The following ARHGEF4 variants were observed in gnomAD, a reference collection of about 807,000 sequenced individuals.
ARHGEF4 encodes Rho guanine nucleotide exchange factor 4, also known as APC-stimulated guanine nucleotide exchange factor 1.
In ARHGEF4, 119 loss-of-function variants were observed where a neutral mutation model predicts 162.0. The observed-to-expected ratio is 0.73, with a 90% CI of 0.63 to 0.86. The LOEUF (loss-of-function observed/expected upper bound fraction) is 0.86. ARHGEF4 is among the 40% of genes least tolerant of loss of function. The pLI, the probability that ARHGEF4 is intolerant of heterozygous loss-of-function variation, is 0.00. For synonymous variants in ARHGEF4, 1,014 were observed against 979.9 expected (o/e 1.03, Z -0.65); for missense variants, 2,488 against 2,456.0 (o/e 1.01, Z -0.28).
chr2:130,871,596 TACAC>T (rs10585458), intron 1 of ARHGEF4, among the ~76,000 whole-genome samples: 3 of 149,430 alleles, frequency 2.0e-5, no homozygotes, highest in Non-Finnish European at 4.4e-5. Flanking sequence ...TATATATGCA[TACAC>T]ACACACACAC....
At position 131,019,925 on chromosome 2, in the gene ARHGEF4, T is replaced by C. The variant is rs527750627; in HGVS notation, c.3986-8020T>C. Among the ~76,000 whole-genome samples the C allele has an allele frequency of 9.5e-4, 144 of 152,276 alleles. 1 individual carries two copies. Among genetic ancestry groups the C allele is most frequent in the Non-Finnish European group, 1.6e-3 (108 of 68,014 alleles). On this transcript the variant is annotated intron_variant, in intron 4 of 13. Transcript: ENST00000409359. ...CTGGGATTACAGGCGTGAGCCACCA[T>C]GCCTGGCCAGTATTTTATTCTTTTT...
Position 131,028,037 on chromosome 2 carries a change from C to A in ARHGEF4, c.4078C>A (p.His1360Asn). 6.2e-7 allele frequency: 1 copy of A among 1,614,114 alleles called. No homozygotes were observed. The highest frequency in any genetic ancestry group is 8.5e-7 in the Non-Finnish European group (1 of 1,180,028). The change falls in exon 5 of 14, where the codon CAC (histidine) becomes AAC (asparagine). Residue 1360 changes from histidine to asparagine, a missense_variant. This residue lies in a region of ARHGEF4 where 1,642 missense variants were observed against 1,481.5 expected (regional missense o/e 1.11). Coordinates refer to ENST00000409359, the MANE Select transcript of ARHGEF4 (RefSeq NM_001367493.1). Reference protein sequence around the residue: ...LYDDLHSSSHHYSHPGGGGEQ... With the variant: ...LYDDLHSSSHNYSHPGGGGEQ... The stretch of plus-strand genomic sequence containing the variant: ...TGATGACCTGCACAGCTCCAGCCAC[C>A]ACTACAGCCACCCTGGAGGGGGTGG...
intron 1 of ARHGEF4, among the ~76,000 whole-genome samples, chr2:130,866,507 A>G (rs1239255849): frequency 6.6e-6 from 1 of 152,208 alleles, no homozygotes; most frequent in Non-Finnish European, 1.5e-5. Context: ...GCATGATGTT[A>G]GCCGTGGGTT....
rs70994734 is a variant in ARHGEF4 at position 131,029,551 on chromosome 2, C to CT, written c.4125+1483dup. Among the ~76,000 whole-genome samples the CT allele has an allele frequency of 6.0e-4, 84 of 141,072 alleles. 1 individual carries two copies. Among genetic ancestry groups the CT allele is most frequent in the African/African-American group, 2.1e-3 (78 of 37,614 alleles). 92.5% of individuals were successfully genotyped at this position (141,072 alleles called of 152,430 possible). A position where few individuals can be genotyped will look rare whatever the true frequency, so the allele number is the denominator to read the frequency against. ...TTCACAAGGAATGGTTGTGCTTTTC[C>CT]TTTTTTTTTTTTTTTTGAGATGGAG... On this transcript the variant is annotated intron_variant, in intron 5 of 13. Coordinates refer to ENST00000409359, the MANE Select transcript of ARHGEF4 (RefSeq NM_001367493.1).
chr2:130,891,134 T>A (rs1679840258), intron 1 of ARHGEF4, among the ~76,000 whole-genome samples: 1 of 152,108 alleles, frequency 6.6e-6, no homozygotes, highest in South Asian at 2.1e-4. Flanking sequence ...GAACTAAGAT[T>A]TAAGTCTCTG....
At chr2:130,976,284 C>A (rs1685700226) in intron 4 of ARHGEF4, among the ~76,000 whole-genome samples, 1 of 151,952 alleles carries the variant, frequency 6.6e-6, no homozygotes, top group Non-Finnish European at 1.5e-5. Context: ...GAGCCTAGGA[C>A]GTTCCTGTTT....
rs933235235 is a variant in ARHGEF4, at chr2:130,915,660, A to G, written c.1714A>G (p.Met572Val). The G allele has an allele frequency of 4.5e-6, 7 of 1,550,334 alleles. No homozygotes were observed. Among genetic ancestry groups the G allele is most frequent in the Non-Finnish European group, 6.1e-6 (7 of 1,146,982 alleles). The change falls in exon 2 of 14, where the codon ATG (methionine) becomes GTG (valine). Residue 572 changes from methionine to valine, a missense_variant. Around this residue, in one of 6 missense-constraint regions of ARHGEF4, gnomAD observed 1,642 missense variants for 1,481.5 expected, o/e 1.11. Transcript: ENST00000409359. ...IDTSKAAEEA[M>V]VLDPNYREQA... ...CACTTCAAAGGCAGCCGAAGAAGCC[A>G]TGGTTCTAGACCCCAACTACAGGGA... is the stretch of plus-strand genomic sequence containing the variant.
At chr2:130,921,104 G>A (rs1681846448) in intron 2 of ARHGEF4, among the ~76,000 whole-genome samples, 1 of 152,114 alleles carries the variant, frequency 6.6e-6, no homozygotes, top group African/African-American at 2.4e-5. Flanking sequence ...ATTACTATGG[G>A]TGTGGGGGTG....
rs199698723 is a variant in ARHGEF4, at chr2:130,995,975, C to T, written c.3986-31970C>T. Among the ~76,000 whole-genome samples the T allele has an allele frequency of 1.3e-4, 20 of 151,780 alleles. No homozygotes were observed. The East Asian group carries it at 1.4e-3, about 10-fold the overall frequency. ...CGCGATCTCGGCTTACTGCAACCTC[C>T]GCCTCCCAGGTTCAAGCAATTCTCC... On this transcript the variant is annotated intron_variant, in intron 4 of 13. Coordinates refer to ENST00000409359, the MANE Select transcript of ARHGEF4 (RefSeq NM_001367493.1).
intron 1 of ARHGEF4, among the ~76,000 whole-genome samples, chr2:130,864,102 T>C (rs1682083680): frequency 1.3e-5 from 2 of 150,070 alleles, no homozygotes; most frequent in African/African-American, 4.9e-5. Flanking sequence ...AGAAGAATGG[T>C]GTGAACCCGG....
At position 130,946,522 on chromosome 2, in the gene ARHGEF4, C is replaced by T. The variant is rs200479089; in HGVS notation, c.3872C>T (p.Thr1291Met). The change falls in exon 4 of 14, where the codon ACG (threonine) becomes ATG (methionine). Residue 1291 changes from threonine to methionine, a missense_variant. By Grantham distance (81) the Thr-to-Met change is moderately conservative. Around this residue, in one of 6 missense-constraint regions of ARHGEF4, gnomAD observed 1,642 missense variants for 1,481.5 expected, o/e 1.11. Transcript: ENST00000409359. ...CTCCTCTTCCAGTGCTGGAGAAAGACGATCATTACCTCTCCAGAGTCTTTG... is the reference window on the plus strand; with the variant it reads ...CTCCTCTTCCAGTGCTGGAGAAAGATGATCATTACCTCTCCAGAGTCTTTG... ...HKDGVKCWRK[T>M]IITSPESLNL... 77 of 1,611,348 alleles carry T rather than the reference C, an allele frequency of 4.8e-5. 1 individual carries two copies. The highest frequency in any genetic ancestry group is 2.1e-4 in the African/African-American group (16 of 74,902).
At chr2:131,042,288 A>T (rs1432531441) in intron 10 of ARHGEF4, among the ~76,000 whole-genome samples, 2 of 152,192 alleles carry the variant, frequency 1.3e-5, no homozygotes, top group African/African-American at 2.4e-5. Context: ...GTTTTAGTTC[A>T]CTTCTGGGAC....
intron 4 of ARHGEF4, chr2:130,964,063 C>T (rs1056497122): frequency 1.5e-6 from 1 of 645,226 alleles, no homozygotes; most frequent in African/African-American, 2.0e-5. Context: ...GCAGCAATGC[C>T]CCAGCGAGTC....
chr2:130,917,839 T>G (rs1404862071), intron 2 of ARHGEF4, among the ~76,000 whole-genome samples: 1 of 72,380 alleles, frequency 1.4e-5, no homozygotes, highest in Non-Finnish European at 2.8e-5. Flanking sequence ...TTTTTTTTTT[T>G]TGAGACGGAG....
chr2:130,984,557 G>GT (rs1686345482), intron 4 of ARHGEF4, among the ~76,000 whole-genome samples: 1 of 151,844 alleles, frequency 6.6e-6, no homozygotes. Flanking sequence ...GGGTGTAGTG[G>GT]CTGCGCCTGT....
At position 130,902,705 on chromosome 2, in the gene ARHGEF4, C is replaced by T. The variant is rs538993547; in HGVS notation, c.40-11281C>T. 1.9e-3 allele frequency among the ~76,000 whole-genome samples: 268 copies of T among 138,566 alleles called. 1 individual carries two copies. The highest frequency in any genetic ancestry group is 3.4e-3 in the Non-Finnish European group (219 of 65,272). The allele number at this position is 138,566 out of a possible 152,430, so 90.9% of individuals were successfully genotyped here. A position where few individuals can be genotyped will look rare whatever the true frequency, so the allele number is the denominator to read the frequency against. ...GCAAGCCCTGCATATGTAATCCTCT[C>T]GGCACATTATGTTGACATTTTCCCA... is the stretch of plus-strand genomic sequence containing the variant. On this transcript the variant is annotated intron_variant, in intron 1 of 13. Coordinates refer to ENST00000409359, the MANE Select transcript of ARHGEF4 (RefSeq NM_001367493.1).
chr2:131,041,115 GC>G, intron 8 of ARHGEF4, 114 bp from the exon 9 acceptor site: 1 of 959,282 alleles, frequency 1.0e-6, no homozygotes. Context: ...GTCTCCCCTA[GC>G]CCCCAGCCCA....
chr2:131,032,100 C>T (rs1183255679), intron 5 of ARHGEF4, among the ~76,000 whole-genome samples: 1 of 152,164 alleles, frequency 6.6e-6, no homozygotes, highest in Non-Finnish European at 1.5e-5. Context: ...TGAGCTGCTT[C>T]TGCCCCACCT....
At chr2:130,938,552 G>A (rs1683100493) in intron 3 of ARHGEF4, among the ~76,000 whole-genome samples, 1 of 152,152 alleles carries the variant, frequency 6.6e-6, no homozygotes, top group South Asian at 2.1e-4. Flanking sequence ...CAATTGAGAG[G>A]TAAGGCAAGG....
Sources: allele counts gnomAD v4.1 joint callset (sites outside exome capture counted in the v4.1 genomes callset), GRCh38; gene constraint gnomAD v4.1.1; regional missense constraint gnomAD v4.1.1; transcripts MANE v1.5; gene names NCBI Gene and HGNC (gene_info 2026-07-23, HGNC 2026-07-21).